Variants in FHIT observed in about 807,000 individuals in gnomAD.
FHIT encodes fragile histidine triad diadenosine triphosphatase, also known as bis(5'-adenosyl)-triphosphatase.
FHIT carries 19 observed loss-of-function variants against 17.9 expected under a neutral mutation model. The ratio of observed to expected loss-of-function variants is 1.06; its 90% CI spans 0.74 to 1.56. The LOEUF (loss-of-function observed/expected upper bound fraction) is 1.56, where lower values mean the gene tolerates loss of function less well. FHIT is among the 40% of genes most tolerant of loss of function. FHIT has a pLI of 0.00. For missense variants in FHIT, 248 were observed against 189.2 expected, an observed-to-expected ratio of 1.31 and a Z score of -1.82; for synonymous variants, 81 against 69.7, an observed-to-expected ratio of 1.16 and a Z score of -0.81.
Position 60,988,799 on chromosome 3 carries a change from G to C in FHIT, c.-111+53248C>G, listed in dbSNP as rs966497148. Among the ~76,000 whole-genome samples the C allele has an allele frequency of 2.0e-5, 3 of 152,104 alleles. No individual in the cohort carries two copies. In the East Asian group the frequency reaches 5.8e-4, roughly 29 times the overall value. ...TCTCCTAGTTTTAAACAACTTTCTA[G>C]AGAGGAGGCTGCTCTTTATAGAACT... On this transcript the variant is annotated intron_variant, in intron 3 of 9. Transcript: ENST00000492590.
intron 7 of FHIT, among the ~76,000 whole-genome samples, chr3:59,926,049 T>C (rs1188595290): frequency 1.3e-5 from 2 of 152,232 alleles, no homozygotes; most frequent in Admixed American, 1.3e-4. Flanking sequence ...TTCCACAAAT[T>C]TGCTAGGGGT....
intron 4 of FHIT, among the ~76,000 whole-genome samples, chr3:60,538,011 A>G (rs536644333): frequency 3.9e-5 from 6 of 152,236 alleles, no homozygotes; most frequent in Non-Finnish European, 7.4e-5. Flanking sequence ...CGCAACTCCT[A>G]AAATCCTTAG....
intron 3 of FHIT, among the ~76,000 whole-genome samples, chr3:60,962,566 T>G (rs576614904): frequency 2.0e-5 from 3 of 152,332 alleles, no homozygotes; most frequent in African/African-American, 7.2e-5. Context: ...GGCTGTGGGT[T>G]TGTCATAGAT....
intron 5 of FHIT, among the ~76,000 whole-genome samples, chr3:60,093,591 G>A (rs1380995172): frequency 1.3e-5 from 2 of 152,120 alleles, no homozygotes; most frequent in African/African-American, 4.8e-5. Flanking sequence ...ATCCCCAACC[G>A]CCGTGCCACA....
intron 5 of FHIT, among the ~76,000 whole-genome samples, chr3:60,413,202 A>G (rs552212988): frequency 3.3e-5 from 5 of 152,300 alleles, no homozygotes; most frequent in Non-Finnish European, 7.4e-5. Flanking sequence ...GCCCTTGAGA[A>G]AAGATTTGAA....
intron 5 of FHIT, among the ~76,000 whole-genome samples, chr3:60,202,596 G>C (rs557860869): frequency 2.0e-4 from 30 of 152,234 alleles, no homozygotes; most frequent in African/African-American, 6.5e-4. Flanking sequence ...ATGCTATAAA[G>C]TTACAATCCA....
At chr3:59,902,225 A>G (rs1322488447) in intron 8 of FHIT, among the ~76,000 whole-genome samples, 1 of 152,212 alleles carries the variant, frequency 6.6e-6, no homozygotes, top group African/African-American at 2.4e-5. Flanking sequence ...ATCTTCAGGG[A>G]AATGGAAATA....
At chr3:59,774,023 CTG>C (rs1702191188) in intron 8 of FHIT, among the ~76,000 whole-genome samples, 2 of 152,070 alleles carry the variant, frequency 1.3e-5, no homozygotes, top group Non-Finnish European at 2.9e-5. Context: ...TTAATTTTAT[CTG>C]TTTTTTTAAT....
intron 4 of FHIT, among the ~76,000 whole-genome samples, chr3:60,785,896 G>GACACACACACACACACACACAC (rs71092634): frequency 1.2e-5 from 1 of 85,804 alleles, no homozygotes; most frequent in Non-Finnish European, 3.0e-5. Context: ...ACAAACAGAA[G>GACACACACACACACACACACAC]ACACACACAC....
chr3:60,883,368 T>C (rs1252546397), intron 3 of FHIT, among the ~76,000 whole-genome samples: 1 of 152,152 alleles, frequency 6.6e-6, no homozygotes, highest in East Asian at 1.9e-4. Context: ...GAAAAAATCC[T>C]AAAATTTATG....
At chr3:60,367,410 T>C (rs186777319) in intron 5 of FHIT, among the ~76,000 whole-genome samples, 1 of 152,324 alleles carries the variant, frequency 6.6e-6, no homozygotes, top group Admixed American at 6.5e-5. Context: ...GAATGCACTG[T>C]TTTTATTAAA....
chr3:59,867,566 TTG>T (rs1011236008), intron 8 of FHIT, among the ~76,000 whole-genome samples: 5 of 152,112 alleles, frequency 3.3e-5, no homozygotes, highest in Admixed American at 3.3e-4. Context: ...TTGCTTTATT[TTG>T]TGATTACTTT....
intron 8 of FHIT, among the ~76,000 whole-genome samples, chr3:59,788,378 T>C (rs1432626977): frequency 6.6e-6 from 1 of 152,142 alleles, no homozygotes; most frequent in East Asian, 1.9e-4. Flanking sequence ...CAGAAAGTAC[T>C]TCCCCTGTCA....
intron 3 of FHIT, among the ~76,000 whole-genome samples, chr3:60,909,836 T>C (rs782495780): frequency 2.6e-5 from 4 of 152,112 alleles, no homozygotes; most frequent in Non-Finnish European, 5.9e-5. Flanking sequence ...CCTAGTGATA[T>C]ATGACTTGGG....
chr3:60,923,621 C>T (rs1707406632), intron 3 of FHIT, among the ~76,000 whole-genome samples: 1 of 152,136 alleles, frequency 6.6e-6, no homozygotes, highest in South Asian at 2.1e-4. Context: ...GTCTACAGCT[C>T]CCAGAGTAAG....
At chr3:60,255,507 C>G (rs906445795) in intron 5 of FHIT, among the ~76,000 whole-genome samples, 2 of 151,950 alleles carry the variant, frequency 1.3e-5, no homozygotes, top group African/African-American at 2.4e-5. Context: ...CCACCCGGGG[C>G]GACAAACCCA....
At chr3:60,132,223 G>A (rs539265730) in intron 5 of FHIT, among the ~76,000 whole-genome samples, 2 of 152,138 alleles carry the variant, frequency 1.3e-5, no homozygotes, top group Admixed American at 6.5e-5. Context: ...TGATCATTGT[G>A]TTATCCATCT....
chr3:60,112,796 A>C (rs1459324105), intron 5 of FHIT, among the ~76,000 whole-genome samples: 1 of 152,230 alleles, frequency 6.6e-6, no homozygotes. Flanking sequence ...GGAAGCAAGC[A>C]GCAATCAAGG....
chr3:61,215,092 T>G lies in FHIT; in HGVS notation c.-212-14427A>C, dbSNP rs574688241. On this transcript the variant is annotated intron_variant, in intron 1 of 9. Coordinates refer to ENST00000492590, the MANE Select transcript of FHIT (RefSeq NM_002012.4). ...AACTGGAAGCATTCCCTTTGAAAAC[T>G]GGCACAAGACAGGGATGCCCTCTCT... Among the ~76,000 whole-genome samples, 101 of 151,796 alleles carry G rather than the reference T, an allele frequency of 6.7e-4. 1 individual carries two copies. The South Asian group carries it at 7.4e-3, about 11-fold the overall frequency.
Sources: allele counts gnomAD v4.1 joint callset (sites outside exome capture counted in the v4.1 genomes callset), GRCh38; gene constraint gnomAD v4.1.1; transcripts MANE v1.5; gene names NCBI Gene and HGNC (gene_info 2026-07-23, HGNC 2026-07-21).